MYO16: variants seen among roughly 807,000 people sequenced by gnomAD.
The protein encoded by MYO16 is myosin XVI.
A neutral mutation model predicts 205.3 loss-of-function variants in MYO16; 94 were observed. That is an observed-to-expected ratio of 0.46 (90% confidence interval 0.39 to 0.54). The LOEUF (loss-of-function observed/expected upper bound fraction) is 0.54, where lower values mean the gene tolerates loss of function less well. MYO16 is among the 20% of genes least tolerant of loss of function. MYO16 has a pLI of 0.00. For synonymous variants in MYO16, 988 were observed against 954.0 expected, an observed-to-expected ratio of 1.04 and a Z score of -0.66; for missense variants, 2,315 against 2,387.5, an observed-to-expected ratio of 0.97 and a Z score of 0.63.
chr13:108,660,847 T>A (rs972817263), intron 1 of MYO16, among the ~76,000 whole-genome samples: 1 of 152,178 alleles, frequency 6.6e-6, no homozygotes, highest in Non-Finnish European at 1.5e-5. Context: ...TTGGTTTTGT[T>A]TTTTGTTTTT....
chr13:108,729,132 A>G (rs1030538508), intron 4 of MYO16, among the ~76,000 whole-genome samples: 3 of 152,172 alleles, frequency 2.0e-5, no homozygotes, highest in African/African-American at 2.4e-5. Flanking sequence ...TACTGTATAT[A>G]AAAAAGCATG....
chr13:108,509,126 T>C, the MYO16 span, among the ~76,000 whole-genome samples: 1 of 152,194 alleles, frequency 6.6e-6, no homozygotes, highest in African/African-American at 2.4e-5. Flanking sequence ...TAGTAAAAGA[T>C]AGTTAAAAGA....
chr13:108,829,650 G>T (rs546486192), intron 9 of MYO16, among the ~76,000 whole-genome samples: 1 of 152,274 alleles, frequency 6.6e-6, no homozygotes, highest in East Asian at 1.9e-4. Flanking sequence ...ATGAGGAGGG[G>T]ACCTAAGCAG....
intron 10 of MYO16, among the ~76,000 whole-genome samples, chr13:108,851,916 T>A (rs1432480504): frequency 6.6e-6 from 1 of 152,188 alleles, no homozygotes; most frequent in Non-Finnish European, 1.5e-5. Context: ...TTCCAGCTCC[T>A]TCAATATCCC....
chr13:109,206,990 GTGTGTGTGTGTGTGTT>G lies in MYO16; in HGVS notation c.*170_*185del. The G allele has an allele frequency of 8.7e-6, 5 of 577,230 alleles. No individual in the cohort carries two copies. The highest frequency in any genetic ancestry group is 4.1e-5 in the South Asian group (2 of 48,316). The allele number at this position is 577,230 out of a possible 1,614,324, so 35.8% of individuals were successfully genotyped here. ...AGACACTAAATATATGAGATCCCGT[GTGTGTGTGTGTGTGTT>G]TGTGTGTGTGTGTGTGGGTTCTTTC... is the stretch of plus-strand genomic sequence containing the variant. On this transcript the variant is annotated 3_prime_UTR_variant, in exon 35 of 35. Transcript: ENST00000457511.
intron 27 of MYO16, among the ~76,000 whole-genome samples, chr13:109,090,496 T>C (rs1266272719): frequency 6.6e-6 from 1 of 152,024 alleles, no homozygotes; most frequent in Non-Finnish European, 1.5e-5. Context: ...GGAGGTGACG[T>C]GACTGGTCCT....
Position 108,880,247 on chromosome 13 carries a change from A to G in MYO16, c.1426-2812A>G, listed in dbSNP as rs146101690. ...TTGTAAATTTGTTTGAATTCTTTGT[A>G]GATTCTGGATATTAGCCCTTTGTCA... is the stretch of plus-strand genomic sequence containing the variant. On this transcript the variant is annotated intron_variant, in intron 12 of 34. Coordinates refer to ENST00000457511, the MANE Select transcript of MYO16 (RefSeq NM_001198950.3). 4.1e-3 allele frequency among the ~76,000 whole-genome samples: 627 copies of G among 152,268 alleles called. 6 individuals are homozygous for G. Among genetic ancestry groups the G allele is most frequent in the African/African-American group, 0.014 (563 of 41,538 alleles).
At position 109,141,004 on chromosome 13, in the gene MYO16, C is replaced by A. The variant is rs1330476954; in HGVS notation, c.4792C>A (p.Pro1598Thr). The A allele has an allele frequency of 6.8e-6, 9 of 1,320,042 alleles. No individual in the cohort carries two copies. Among genetic ancestry groups the A allele is most frequent in the African/African-American group, 3.1e-5 (2 of 64,448 alleles). The allele number at this position is 1,320,042 out of a possible 1,614,324, so 81.8% of individuals were successfully genotyped here. ...CTCCCCGCCGTCCACGCCGCCCCCG[C>A]CCCCGCCCCCGCCCGGGCCGCCCCC... Reference protein sequence around the residue: ...RASPPSTPPPPPPPPGPPPAP... With the variant: ...RASPPSTPPPTPPPPGPPPAP... Residue 1598 changes from proline (P) to threonine (T), a missense_variant, in exon 32 of 35, where the codon CCC becomes ACC. Coordinates refer to ENST00000457511, the MANE Select transcript of MYO16 (RefSeq NM_001198950.3). The surrounding 1 kb of genome is among the most constrained non-coding windows in gnomAD (Gnocchi z 4.1).
the MYO16 span, among the ~76,000 whole-genome samples, chr13:108,536,079 T>C: frequency 1.3e-5 from 2 of 152,042 alleles, no homozygotes; most frequent in Non-Finnish European, 2.9e-5. Flanking sequence ...TTTGGTTGGA[T>C]ACAGGAACAT....
At chr13:109,020,038 C>A (rs1052990689) in intron 23 of MYO16, 127 bp downstream of exon 23, 2 of 869,834 alleles carry the variant, frequency 2.3e-6, no homozygotes, top group African/African-American at 1.7e-5. Flanking sequence ...GAACAACCCA[C>A]AACATGTACT....
the MYO16 span, among the ~76,000 whole-genome samples, chr13:108,532,687 A>G: frequency 6.6e-6 from 1 of 151,996 alleles, no homozygotes; most frequent in African/African-American, 2.4e-5. Context: ...GCTACTTAGG[A>G]GGCTGGGGCA....
chr13:108,735,648 G>T (rs1301958356), intron 4 of MYO16, among the ~76,000 whole-genome samples: 2 of 150,748 alleles, frequency 1.3e-5, no homozygotes, highest in Admixed American at 1.3e-4. Context: ...AGTCCTTTGG[G>T]TATATACCCA....
chr13:108,782,029 C>T (rs945058788), intron 4 of MYO16, among the ~76,000 whole-genome samples: 2 of 152,068 alleles, frequency 1.3e-5, no homozygotes, highest in African/African-American at 4.8e-5. Flanking sequence ...AAATTGGTAC[C>T]AGTAGAGTGG....
chr13:109,102,796 A>C (rs1889013119), intron 28 of MYO16, among the ~76,000 whole-genome samples: 1 of 152,134 alleles, frequency 6.6e-6, no homozygotes, highest in African/African-American at 2.4e-5. Flanking sequence ...ATTAAATTGA[A>C]ACATACATTG....
At chr13:109,152,654 G>C (rs542689727) in intron 32 of MYO16, among the ~76,000 whole-genome samples, 1 of 152,264 alleles carries the variant, frequency 6.6e-6, no homozygotes, top group Admixed American at 6.5e-5. Flanking sequence ...CCATTTCTGC[G>C]GGGATTGAGC....
chr13:108,782,158 C>T (rs576753077), intron 4 of MYO16, among the ~76,000 whole-genome samples: 89 of 152,290 alleles, frequency 5.8e-4, no homozygotes, highest in African/African-American at 1.9e-3. Context: ...AAGTTTGGAA[C>T]TTCCTAGAGA....
At chr13:109,041,958 G>T (rs545370215) in intron 23 of MYO16, among the ~76,000 whole-genome samples, 1 of 151,792 alleles carries the variant, frequency 6.6e-6, no homozygotes, top group African/African-American at 2.4e-5. Context: ...TCCACCTCCT[G>T]GGTTCAAGCG....
intron 28 of MYO16, among the ~76,000 whole-genome samples, chr13:109,111,953 TG>T (rs1364099933): frequency 6.6e-6 from 1 of 152,188 alleles, no homozygotes; most frequent in African/African-American, 2.4e-5. Context: ...CCCAAAGTGC[TG>T]GGATTACAGG....
chr13:108,788,838 C>T (rs927970656), intron 5 of MYO16, among the ~76,000 whole-genome samples: 1 of 152,194 alleles, frequency 6.6e-6, no homozygotes, highest in Admixed American at 6.5e-5. Flanking sequence ...TAGGAACAGT[C>T]TCTCTCCTGC....
Sources: gnomAD v4.1 joint callset for allele counts (sites outside exome capture counted in the v4.1 genomes callset) on GRCh38, gnomAD v4.1.1 for gene constraint, Gnocchi (gnomAD v3.1) non-coding constraint, MANE v1.5 for transcripts, NCBI Gene and HGNC (gene_info 2026-07-23, HGNC 2026-07-21) for gene names.